AKAP19: variants seen among roughly 807,000 people sequenced by gnomAD.
The protein encoded by AKAP19 is A-kinase anchoring protein 19, also known as small A-kinase anchoring protein.
the AKAP19 span, among the ~76,000 whole-genome samples, chr2:189,958,588 A>T: frequency 6.7e-6 from 1 of 150,320 alleles, no homozygotes; most frequent in African/African-American, 2.4e-5. Flanking sequence ...GTGTGTGTAT[A>T]TACACAGACA....
At chr2:190,058,041 T>A in the AKAP19 span, among the ~76,000 whole-genome samples, 1 of 151,982 alleles carries the variant, frequency 6.6e-6, no homozygotes, top group African/African-American at 2.4e-5. Flanking sequence ...TGCTTCCTGA[T>A]TAAATATGTT....
chr2:189,889,515 C>A, the AKAP19 span, among the ~76,000 whole-genome samples: 6 of 152,184 alleles, frequency 3.9e-5, no homozygotes, highest in Non-Finnish European at 8.8e-5. Flanking sequence ...ACCCTCTCCT[C>A]TTTGTACCTC....
At chr2:190,147,212 A>G in the AKAP19 span, among the ~76,000 whole-genome samples, 14 of 152,132 alleles carry the variant, frequency 9.2e-5, no homozygotes, top group South Asian at 2.1e-4. Context: ...TCATTATCCT[A>G]CATGTGGCTT....
the AKAP19 span, among the ~76,000 whole-genome samples, chr2:190,101,325 C>T: frequency 1.5e-3 from 224 of 152,310 alleles, 1 homozygote; most frequent in African/African-American, 5.1e-3. Context: ...GGCTTCTCCT[C>T]GGCAACAAGG....
At chr2:190,185,991 G>A in the AKAP19 span, among the ~76,000 whole-genome samples, 4 of 151,968 alleles carry the variant, frequency 2.6e-5, no homozygotes, top group African/African-American at 4.8e-5. Flanking sequence ...TCACTCTGTC[G>A]CCCAGGCTGG....
the AKAP19 span, among the ~76,000 whole-genome samples, chr2:190,188,776 G>C: frequency 1.3e-5 from 2 of 152,134 alleles, no homozygotes; most frequent in Non-Finnish European, 2.9e-5. Context: ...TGCTTCACAT[G>C]AACTTTTTTT....
the AKAP19 span, among the ~76,000 whole-genome samples, chr2:189,927,949 A>G: frequency 2.0e-5 from 3 of 152,198 alleles, no homozygotes; most frequent in Non-Finnish European, 4.4e-5. Flanking sequence ...TAGACATTCA[A>G]ATGTTGCCAG....
the AKAP19 span, among the ~76,000 whole-genome samples, chr2:190,152,802 T>G: frequency 6.6e-6 from 1 of 152,222 alleles, no homozygotes; most frequent in Non-Finnish European, 1.5e-5. Flanking sequence ...TCCTTTTTAT[T>G]AGAAAGTTTC....
the AKAP19 span, among the ~76,000 whole-genome samples, chr2:189,969,186 T>C: frequency 2.0e-5 from 3 of 152,074 alleles, no homozygotes; most frequent in African/African-American, 4.8e-5. Flanking sequence ...CCCAAGGTGA[T>C]AGTATTAAGA....
chr2:189,992,858 A>G, the AKAP19 span, among the ~76,000 whole-genome samples: 1 of 152,146 alleles, frequency 6.6e-6, no homozygotes, highest in Non-Finnish European at 1.5e-5. Context: ...ATTTTTGTAC[A>G]TTGATTTTGT....
chr2:190,015,179 C>T, the AKAP19 span, among the ~76,000 whole-genome samples: 3 of 152,228 alleles, frequency 2.0e-5, no homozygotes, highest in Non-Finnish European at 4.4e-5. Flanking sequence ...CCACATTTCC[C>T]TTCTGCACTG....
chr2:190,011,449 GTC>G, the AKAP19 span, among the ~76,000 whole-genome samples: 1 of 152,072 alleles, frequency 6.6e-6, no homozygotes, highest in Non-Finnish European at 1.5e-5. Flanking sequence ...AATTTTTTCT[GTC>G]TGTTTTTGTT....
At chr2:190,033,264 G>GTCAT in the AKAP19 span, among the ~76,000 whole-genome samples, 16 of 152,068 alleles carry the variant, frequency 1.1e-4, no homozygotes, top group Admixed American at 2.0e-4. Context: ...ACATAATTGT[G>GTCAT]CTGCTTACAG....
the AKAP19 span, among the ~76,000 whole-genome samples, chr2:190,145,623 G>C: frequency 6.6e-6 from 1 of 151,996 alleles, no homozygotes; most frequent in Non-Finnish European, 1.5e-5. Flanking sequence ...GTGGTATTCA[G>C]TACAGTCACA....
At chr2:190,087,851 T>G in the AKAP19 span, among the ~76,000 whole-genome samples, 1 of 152,222 alleles carries the variant, frequency 6.6e-6, no homozygotes, top group Non-Finnish European at 1.5e-5. Flanking sequence ...ATCTTGTTCT[T>G]TTTACTTAAA....
chr2:190,101,507 C>T, the AKAP19 span, among the ~76,000 whole-genome samples: 1 of 152,138 alleles, frequency 6.6e-6, no homozygotes, highest in Non-Finnish European at 1.5e-5. Flanking sequence ...CTGAGCCTCC[C>T]ACCCTTCCTG....
chr2:190,175,000 T>TTGGAGTACATAGAG, the AKAP19 span, among the ~76,000 whole-genome samples: 1 of 65,178 alleles, frequency 1.5e-5, no homozygotes, highest in Non-Finnish European at 6.1e-5. Context: ...GATACATAGA[T>TTGGAGTACATAGAG]TACATGGAGT....
At chr2:190,083,916 C>G in the AKAP19 span, among the ~76,000 whole-genome samples, 1 of 152,060 alleles carries the variant, frequency 6.6e-6, no homozygotes, top group South Asian at 2.1e-4. Flanking sequence ...ACACAGCGAG[C>G]AAGTTACGGA....
At chr2:190,040,634 C>T in the AKAP19 span, among the ~76,000 whole-genome samples, 1 of 152,098 alleles carries the variant, frequency 6.6e-6, no homozygotes, top group Non-Finnish European at 1.5e-5. Flanking sequence ...AGTTTGTCTT[C>T]CAGGGTTTTT....
Sources: gnomAD v4.1 joint callset for allele counts (sites outside exome capture counted in the v4.1 genomes callset) on GRCh38, gnomAD v4.1.1 for gene constraint, MANE v1.5 for transcripts, NCBI Gene and HGNC (gene_info 2026-07-23, HGNC 2026-07-21) for gene names.